Variants in EPHA3 observed in about 807,000 individuals in gnomAD.
The protein encoded by EPHA3 is ephrin type-A receptor 3.
In EPHA3, 42 loss-of-function variants were observed where a neutral mutation model predicts 107.1. The ratio of observed to expected loss-of-function variants is 0.39; its 90% CI spans 0.31 to 0.51. EPHA3 has a LOEUF of 0.51. EPHA3 is among the 20% of genes least tolerant of loss of function. EPHA3 has a pLI of 0.78. For synonymous variants in EPHA3, 461 were observed against 424.8 expected (o/e 1.09, Z -1.05); for missense variants, 1,183 against 1,211.2 (o/e 0.98, Z 0.35).
rs1179860798 is a variant in EPHA3 at position 89,347,965 on chromosome 3, C to A, written c.1306+5875C>A. Among the ~76,000 whole-genome samples, 5 of 150,826 alleles carry A rather than the reference C, an allele frequency of 3.3e-5. 1 individual carries two copies. Among genetic ancestry groups the A allele is most frequent in the Admixed American group, 1.3e-4 (2 of 15,048 alleles). On this transcript the variant is annotated intron_variant, in intron 5 of 16. Transcript: ENST00000336596. ...CAGCCTTGCATCCCAGGGATGAAGCCCACTTGATCATGGTGGATAAGCTTT... is the reference window on the plus strand; with the variant it reads ...CAGCCTTGCATCCCAGGGATGAAGCACACTTGATCATGGTGGATAAGCTTT...
chr3:89,157,915 C>G, intron 2 of EPHA3, among the ~76,000 whole-genome samples: 1 of 150,234 alleles, frequency 6.7e-6, no homozygotes, highest in Non-Finnish European at 1.5e-5. Flanking sequence ...ATGGGCAGGG[C>G]TGAAATTTTA....
rs1199238290 is a variant in EPHA3 at position 89,460,823 on chromosome 3, C to CTCTTTTTTTTTTTTTT, written c.2690+10454_2690+10455insCTTTTTTTTTTTTTTT. ...ATACCCAAGTGATCTCTCTGTCTCT[C>CTCTTTTTTTTTTTTTT]TTTTTTTTTTTTTTTATTATACTCT... On this transcript the variant is annotated intron_variant, in intron 15 of 16. Transcript: ENST00000336596. Among the ~76,000 whole-genome samples, 541 of 101,658 alleles carry CTCTTTTTTTTTTTTTT rather than the reference C, an allele frequency of 5.3e-3. 1 individual carries two copies. The highest frequency in any genetic ancestry group is 8.9e-3 in the African/African-American group (239 of 26,782). 66.7% of individuals were successfully genotyped at this position (101,658 alleles called of 152,430 possible). A position where few individuals can be genotyped will look rare whatever the true frequency, so the allele number is the denominator to read the frequency against.
At chr3:89,342,597 A>G (rs1707555000) in intron 5 of EPHA3, among the ~76,000 whole-genome samples, 1 of 152,150 alleles carries the variant, frequency 6.6e-6, no homozygotes, top group African/African-American at 2.4e-5. Context: ...TACTTGTGGG[A>G]TTTTAATTGT....
intron 10 of EPHA3, among the ~76,000 whole-genome samples, chr3:89,416,837 G>T (rs961258456): frequency 3.3e-5 from 5 of 151,300 alleles, no homozygotes; most frequent in Non-Finnish European, 3.0e-5. Flanking sequence ...CTCTTAATTG[G>T]CTCATTTAAA....
chr3:89,164,396 GC>G (rs544946513), intron 2 of EPHA3, among the ~76,000 whole-genome samples: 2 of 152,152 alleles, frequency 1.3e-5, no homozygotes, highest in African/African-American at 2.4e-5. Flanking sequence ...GCCTAGACAC[GC>G]CCCCCTAAAA....
At chr3:89,456,758 T>A (rs567415290) in intron 15 of EPHA3, among the ~76,000 whole-genome samples, 1 of 152,328 alleles carries the variant, frequency 6.6e-6, no homozygotes, top group Admixed American at 6.5e-5. Context: ...GCTTGTTCCC[T>A]AGTAATTGAT....
rs1707815761 is a variant in EPHA3, at chr3:89,351,414, A to T, written c.1306+9324A>T. Among the ~76,000 whole-genome samples the T allele has an allele frequency of 1.3e-5, 2 of 150,752 alleles. 1 individual carries two copies. Among genetic ancestry groups the T allele is most frequent in the Non-Finnish European group, 3.0e-5 (2 of 67,354 alleles). The stretch of plus-strand genomic sequence containing the variant: ...TCCGTCACCCCTTTCTTTGACTCGG[A>T]AAGGGAACTCCCTGACCCCTTGCGC... On this transcript the variant is annotated intron_variant, in intron 5 of 16. Coordinates refer to ENST00000336596, the MANE Select transcript of EPHA3 (RefSeq NM_005233.6).
chr3:89,270,860 T>C (rs1430752788), intron 3 of EPHA3, among the ~76,000 whole-genome samples: 3 of 152,104 alleles, frequency 2.0e-5, no homozygotes, highest in Admixed American at 2.0e-4. Flanking sequence ...GAAAAAGTTA[T>C]TAAGAAAATC....
intron 2 of EPHA3, among the ~76,000 whole-genome samples, chr3:89,156,966 T>G (rs1252970024): frequency 6.6e-6 from 1 of 151,964 alleles, no homozygotes; most frequent in Non-Finnish European, 1.5e-5. Flanking sequence ...CTGGACAGAT[T>G]TCAAGATTGA....
At chr3:89,177,890 A>G (rs188138494) in intron 2 of EPHA3, among the ~76,000 whole-genome samples, 9 of 152,164 alleles carry the variant, frequency 5.9e-5, no homozygotes, top group African/African-American at 2.2e-4. Flanking sequence ...GTGCTGTTCA[A>G]TTAAATATTG....
At chr3:89,324,405 A>G (rs1707118842) in intron 3 of EPHA3, among the ~76,000 whole-genome samples, 1 of 151,834 alleles carries the variant, frequency 6.6e-6, no homozygotes, top group Non-Finnish European at 1.5e-5. Flanking sequence ...TCCTGAACTC[A>G]AGTGATCCAC....
chr3:89,208,095 T>A (rs1216063077), intron 2 of EPHA3, among the ~76,000 whole-genome samples: 1 of 151,992 alleles, frequency 6.6e-6, no homozygotes, highest in African/African-American at 2.4e-5. Context: ...ATATTCCAGA[T>A]GGGCACAGTG....
chr3:89,170,148 C>A (rs1263496136), intron 2 of EPHA3, among the ~76,000 whole-genome samples: 1 of 151,474 alleles, frequency 6.6e-6, no homozygotes. Flanking sequence ...CTGCTCTGCT[C>A]GGGAGGCTGA....
At chr3:89,116,519 C>A (rs181487142) in intron 1 of EPHA3, among the ~76,000 whole-genome samples, 1 of 151,930 alleles carries the variant, frequency 6.6e-6, no homozygotes, top group Non-Finnish European at 1.5e-5. Flanking sequence ...GAAAAGGTAG[C>A]TAAAACAGGC....
chr3:89,323,973 A>G (rs913292557), intron 3 of EPHA3, among the ~76,000 whole-genome samples: 1 of 151,888 alleles, frequency 6.6e-6, no homozygotes, highest in Admixed American at 6.6e-5. Flanking sequence ...TTTGCAGTAC[A>G]AATACTATAA....
At chr3:89,291,494 G>T (rs1191933092) in intron 3 of EPHA3, among the ~76,000 whole-genome samples, 1 of 152,042 alleles carries the variant, frequency 6.6e-6, no homozygotes, top group African/African-American at 2.4e-5. Flanking sequence ...AAGAACATTT[G>T]CTTATGTTTT....
intron 2 of EPHA3, among the ~76,000 whole-genome samples, chr3:89,184,436 A>C (rs1450880119): frequency 6.6e-6 from 1 of 152,026 alleles, no homozygotes; most frequent in African/African-American, 2.4e-5. Flanking sequence ...GCATTAATCT[A>C]ATTACATTCC....
At chr3:89,429,199 G>T (rs1338784667) in intron 12 of EPHA3, 32 bp downstream of exon 12, 2 of 1,538,672 alleles carry the variant, frequency 1.3e-6, no homozygotes, top group South Asian at 2.3e-5. Context: ...ACATATATAT[G>T]AATAAATTGC....
chr3:89,237,624 T>A (rs1485497120), intron 3 of EPHA3, among the ~76,000 whole-genome samples: 1 of 152,134 alleles, frequency 6.6e-6, no homozygotes, highest in Non-Finnish European at 1.5e-5. Flanking sequence ...ATAACTTTTA[T>A]CTGTTTTGTT....
Sources: gnomAD v4.1 joint callset for allele counts (sites outside exome capture counted in the v4.1 genomes callset) on GRCh38, gnomAD v4.1.1 for gene constraint, MANE v1.5 for transcripts, NCBI Gene and HGNC (gene_info 2026-07-23, HGNC 2026-07-21) for gene names.